CPNE1: variants seen among roughly 807,000 people sequenced by gnomAD.
CPNE1 encodes the protein copine-1.
A neutral mutation model predicts 63.2 loss-of-function variants in CPNE1; 58 were observed. The ratio of observed to expected loss-of-function variants is 0.92; its 90% confidence interval spans 0.74 to 1.14. CPNE1 has a LOEUF of 1.14. Ranked by LOEUF, CPNE1 falls within the 50% of genes most tolerant of loss-of-function variation. The pLI is 0.00. For synonymous variants in CPNE1, 237 were observed against 249.0 expected, an observed-to-expected ratio of 0.95 and a Z score of 0.45; for missense variants, 672 against 661.7, an observed-to-expected ratio of 1.02 and a Z score of -0.17.
At chr20:35,660,161 A>C (rs1288512330) in intron 1 of CPNE1, among the ~76,000 whole-genome samples, 4 of 152,202 alleles carry the variant, frequency 2.6e-5, no homozygotes, top group Admixed American at 1.3e-4. Flanking sequence ...AAAAGTCTAG[A>C]GCATTGTATT....
intron 1 of CPNE1, among the ~76,000 whole-genome samples, chr20:35,663,816 G>A (rs1450970595): frequency 1.3e-5 from 2 of 152,146 alleles, no homozygotes; most frequent in East Asian, 3.8e-4. Context: ...CTAACCTGTA[G>A]ATCCTCAAAG....
chr20:35,638,277 T>A (rs1362242766), intron 1 of CPNE1, among the ~76,000 whole-genome samples: 1 of 152,176 alleles, frequency 6.6e-6, no homozygotes, highest in East Asian at 1.9e-4. Flanking sequence ...TCTTGTATAG[T>A]TCAACTTTGA....
chr20:35,653,777 T>C (rs772553483), intron 1 of CPNE1: 17 of 1,614,134 alleles, frequency 1.1e-5, no homozygotes, highest in Middle Eastern at 1.6e-4. Flanking sequence ...TTTCGAATCA[T>C]ATCTATCTTT....
intron 1 of CPNE1, among the ~76,000 whole-genome samples, chr20:35,657,060 C>G (rs546975086): frequency 1.3e-5 from 2 of 152,314 alleles, no homozygotes; most frequent in East Asian, 3.9e-4. Flanking sequence ...TTGGCTTTGA[C>G]AGTTTTCTCA....
At chr20:35,643,434 A>G (rs2032930159) in intron 1 of CPNE1, 1 of 152,236 alleles carries the variant, frequency 6.6e-6, no homozygotes. Context: ...ACACACCAAC[A>G]CAAAGTCTTC....
chr20:35,645,422 A>AC (rs1172845313), intron 1 of CPNE1, among the ~76,000 whole-genome samples: 1 of 152,216 alleles, frequency 6.6e-6, no homozygotes, highest in Non-Finnish European at 1.5e-5. Context: ...GAAAGCCACT[A>AC]CCTGGTTCCC....
rs530430667 is a variant in CPNE1 at position 35,644,149 on chromosome 20, G to A, written c.1-11226C>T. Among the ~76,000 whole-genome samples, 31 of 152,254 alleles carry A rather than the reference G, an allele frequency of 2.0e-4. No homozygotes were observed. In the South Asian group the frequency reaches 6.0e-3, roughly 30 times the overall value. ...GAAAGTATCCCCTGCCCGGCACAGA[G>A]TAAGTACCCAGTGTCAACTGTCCCT... On this transcript the variant is annotated intron_variant, in intron 1 of 15. Transcript: ENST00000397443.
intron 1 of CPNE1, chr20:35,652,722 C>T (rs2033605600): frequency 6.2e-7 from 1 of 1,613,966 alleles, no homozygotes; most frequent in African/African-American, 1.3e-5. Context: ...CATCAATAGA[C>T]ACAGTAAAGG....
In CPNE1 at chr20:35,631,796, G is replaced by T. The variant is rs779743846; in HGVS notation, c.538-19C>A. On this transcript the variant is annotated intron_variant, in intron 6 of 15. Transcript: ENST00000397443. ...TGATGACCTGAAGGTGGAGGCCAAG[G>T]CCTCCAGTGAGCTCTGGCATGGCCC... The T allele has an allele frequency of 6.2e-7, 1 of 1,606,286 alleles. No homozygotes were observed. Among genetic ancestry groups the T allele is most frequent in the Non-Finnish European group, 8.5e-7 (1 of 1,173,602 alleles).
At chr20:35,654,310 T>C in intron 1 of CPNE1, 1 of 1,614,192 alleles carries the variant, frequency 6.2e-7, no homozygotes, top group Non-Finnish European at 8.5e-7. Flanking sequence ...TCGACCTACA[T>C]GATCTTTCAA....
intron 11 of CPNE1, 26 bp from the exon 12 acceptor site, chr20:35,630,821 A>G (rs1265765284): frequency 6.2e-7 from 1 of 1,610,360 alleles, no homozygotes; most frequent in Non-Finnish European, 8.5e-7. Flanking sequence ...GTATTGGGCA[A>G]AAGGCAGTGA....
intron 1 of CPNE1, among the ~76,000 whole-genome samples, chr20:35,637,607 C>T (rs2146300225): frequency 6.6e-6 from 1 of 152,024 alleles, no homozygotes; most frequent in Non-Finnish European, 1.5e-5. Flanking sequence ...CAAGGATTTT[C>T]TTGTCTCTGC....
intron 1 of CPNE1, among the ~76,000 whole-genome samples, chr20:35,660,978 T>C (rs943508790): frequency 2.0e-5 from 3 of 152,248 alleles, no homozygotes; most frequent in African/African-American, 7.2e-5. Context: ...ATATTTCTCA[T>C]TCCACAAGGC....
intron 11 of CPNE1, 34 bp from the exon 12 acceptor site, chr20:35,630,829 T>G: frequency 6.2e-7 from 1 of 1,608,054 alleles, no homozygotes; most frequent in Non-Finnish European, 8.5e-7. Flanking sequence ...CAAAAGGCAG[T>G]GAGGGGACTG....
intron 1 of CPNE1, among the ~76,000 whole-genome samples, chr20:35,648,267 AT>A: frequency 6.6e-6 from 1 of 152,316 alleles, no homozygotes; most frequent in Middle Eastern, 3.4e-3. Flanking sequence ...GCCATTTTTA[AT>A]AAAAAAGGAA....
intron 13 of CPNE1, among the ~76,000 whole-genome samples, chr20:35,630,038 A>G (rs1316592165): frequency 6.6e-6 from 1 of 152,124 alleles, no homozygotes; most frequent in African/African-American, 2.4e-5. Flanking sequence ...CAATACCTGT[A>G]ATCCCAGCAC....
intron 1 of CPNE1, among the ~76,000 whole-genome samples, chr20:35,659,390 C>T (rs2034104850): frequency 6.6e-6 from 1 of 152,176 alleles, no homozygotes; most frequent in African/African-American, 2.4e-5. Context: ...CAGGTTCTCA[C>T]CAAATTTGTG....
intron 13 of CPNE1, 130 bp from the exon 14 acceptor site, chr20:35,627,543 C>A: frequency 3.3e-6 from 3 of 911,932 alleles, no homozygotes; most frequent in African/African-American, 1.7e-5. Context: ...CCTTGTAAAC[C>A]AGGGTACTTA....
At chr20:35,654,246 A>G in intron 1 of CPNE1, 1 of 1,614,224 alleles carries the variant, frequency 6.2e-7, no homozygotes, top group Non-Finnish European at 8.5e-7. Flanking sequence ...TTCGTTTCAA[A>G]GCTTCAAATG....
Sources: allele counts gnomAD v4.1 joint callset (sites outside exome capture counted in the v4.1 genomes callset), GRCh38; gene constraint gnomAD v4.1.1; transcripts MANE v1.5; gene names NCBI Gene and HGNC (gene_info 2026-07-23, HGNC 2026-07-21).